Variants in KLRG2 observed in about 807,000 individuals in gnomAD.
The protein encoded by KLRG2 is killer cell lectin-like receptor subfamily G member 2.
KLRG2 carries 39 observed loss-of-function variants against 35.4 expected under a neutral mutation model. The observed-to-expected ratio is 1.10, with a 90% CI of 0.85 to 1.44. KLRG2 has a LOEUF of 1.44. KLRG2 is among the 40% of genes most tolerant of loss of function. The probability of loss-of-function intolerance (pLI) is 0.00; values close to 1 mark genes in which losing one functional copy is unlikely to be tolerated. For missense variants in KLRG2, 632 were observed against 570.9 expected (o/e 1.11, Z -1.09); for synonymous variants, 283 against 265.8 (o/e 1.06, Z -0.63).
At chr7:139,440,504 C>G in the KLRG2 span, among the ~76,000 whole-genome samples, 1 of 150,578 alleles carries the variant, frequency 6.6e-6, no homozygotes, top group African/African-American at 2.5e-5. Context: ...GAGCCTCCCA[C>G]CTCAACCTCC....
downstream of KLRG2, among the ~76,000 whole-genome samples, chr7:139,449,793 A>G (rs1221732007): frequency 1.5e-5 from 2 of 135,812 alleles, no homozygotes; most frequent in African/African-American, 5.5e-5. Flanking sequence ...TCCACCTGCC[A>G]GGTTCACGCC....
At position 139,483,212 on chromosome 7, in the gene KLRG2, G is replaced by T; in HGVS notation, c.431C>A (p.Pro144His). 1 of 1,530,050 alleles carries T rather than the reference G, an allele frequency of 6.5e-7. No homozygotes were observed. 94.8% of individuals were successfully genotyped at this position (1,530,050 alleles called of 1,614,324 possible). Residue 144 changes from proline (P) to histidine (H), a missense_variant, in exon 1 of 5, where the codon CCC becomes CAC. Pro to His is a moderately conservative substitution (Grantham distance 77). Coordinates refer to ENST00000340940, the MANE Select transcript of KLRG2 (RefSeq NM_198508.4). The part of the protein sequence containing the change: ...GAAGGSSTPS[P>H]RPSTRFLKVP... ...CTTGAGGAAGCGCGTGGAGGGCCTG[G>T]GCGATGGCGTGCTGCTGCCACCGGC...
At chr7:139,467,815 G>A (rs1297871707) in intron 3 of KLRG2, among the ~76,000 whole-genome samples, 2 of 147,946 alleles carry the variant, frequency 1.4e-5, no homozygotes, top group African/African-American at 2.6e-5. Flanking sequence ...CCCCCAGCCC[G>A]ACACCCAGTA....
At chr7:139,434,465 T>TCCC in the KLRG2 span, among the ~76,000 whole-genome samples, 192 of 152,306 alleles carry the variant, frequency 1.3e-3, no homozygotes, top group Non-Finnish European at 2.4e-3. Flanking sequence ...ACGGCAGTCA[T>TCCC]CTTGATGAGT....
the KLRG2 span, among the ~76,000 whole-genome samples, chr7:139,434,944 A>G: frequency 6.6e-6 from 1 of 152,116 alleles, no homozygotes; most frequent in Non-Finnish European, 1.5e-5. Context: ...CACAACAATA[A>G]ATCTATAAGC....
intron 3 of KLRG2, among the ~76,000 whole-genome samples, chr7:139,458,133 T>A (rs1402046610): frequency 6.6e-6 from 1 of 152,148 alleles, no homozygotes; most frequent in Non-Finnish European, 1.5e-5. Context: ...GTCTTAGAAC[T>A]GTGGGAGGCT....
Position 139,463,200 on chromosome 7 carries a change from T to G in KLRG2, c.1006-8986A>C, listed in dbSNP as rs972358988. Among the ~76,000 whole-genome samples, 9 of 152,338 alleles carry G rather than the reference T, an allele frequency of 5.9e-5. No homozygotes were observed. The East Asian group carries it at 1.5e-3, about 26-fold the overall frequency. On this transcript the variant is annotated intron_variant, in intron 3 of 4. Coordinates refer to ENST00000340940, the MANE Select transcript of KLRG2 (RefSeq NM_198508.4). The stretch of plus-strand genomic sequence containing the variant: ...AACCCAGCCCAGTTCTTGGCTCGTT[T>G]GGCAGCAACCTGAGACGCTTTACAG...
intron 3 of KLRG2, among the ~76,000 whole-genome samples, chr7:139,457,631 GCTTA>G (rs1196462447): frequency 3.3e-5 from 5 of 152,104 alleles, no homozygotes; most frequent in Non-Finnish European, 7.4e-5. Flanking sequence ...CCCCTTTGAT[GCTTA>G]CAGCAACCTC....
chr7:139,481,119 C>G (rs1049008849), intron 1 of KLRG2, among the ~76,000 whole-genome samples: 3 of 152,014 alleles, frequency 2.0e-5, no homozygotes, highest in African/African-American at 4.8e-5. Flanking sequence ...CTACCAACAA[C>G]GCTGGATTTT....
At chr7:139,454,503 G>T (rs192558219) in intron 3 of KLRG2, among the ~76,000 whole-genome samples, 58 of 152,218 alleles carry the variant, frequency 3.8e-4, no homozygotes, top group African/African-American at 1.4e-3. Context: ...AGTGGGCAAA[G>T]AAACAAGGAA....
intron 3 of KLRG2, among the ~76,000 whole-genome samples, chr7:139,464,819 A>T (rs1796623264): frequency 1.3e-5 from 2 of 152,228 alleles, no homozygotes; most frequent in Admixed American, 1.3e-4. Context: ...TCAAAATCAC[A>T]AACTATGCTC....
At chr7:139,464,185 G>C (rs943123428) in intron 3 of KLRG2, among the ~76,000 whole-genome samples, 3 of 151,952 alleles carry the variant, frequency 2.0e-5, no homozygotes, top group African/African-American at 7.3e-5. Context: ...AATCCACAAG[G>C]GTAGGACACC....
At chr7:139,482,799 A>G in intron 1 of KLRG2, 87 bp downstream of exon 1, 1 of 1,229,652 alleles carries the variant, frequency 8.1e-7, no homozygotes, top group Non-Finnish European at 1.0e-6. Flanking sequence ...TCAGCTGCCC[A>G]GCGGTCCAGG....
intron 3 of KLRG2, among the ~76,000 whole-genome samples, chr7:139,478,708 C>T (rs1464636117): frequency 1.3e-5 from 2 of 152,028 alleles, no homozygotes; most frequent in African/African-American, 4.8e-5. Context: ...ATGCCAAGGA[C>T]TGGATCCTAT....
chr7:139,461,406 G>A (rs117973627), intron 3 of KLRG2, among the ~76,000 whole-genome samples: 408 of 152,238 alleles, frequency 2.7e-3, no homozygotes, highest in Non-Finnish European at 4.7e-3. Context: ...ATTCCTTATC[G>A]ATGAAAGAGA....
At chr7:139,465,748 C>T (rs1796643112) in intron 3 of KLRG2, among the ~76,000 whole-genome samples, 1 of 151,728 alleles carries the variant, frequency 6.6e-6, no homozygotes, top group Non-Finnish European at 1.5e-5. Flanking sequence ...TCACTGCAAG[C>T]AGCCATCAAA....
intron 3 of KLRG2, among the ~76,000 whole-genome samples, chr7:139,475,119 C>T (rs1219418990): frequency 6.6e-6 from 1 of 152,188 alleles, no homozygotes; most frequent in Non-Finnish European, 1.5e-5. Context: ...AATCTTGACA[C>T]AGTTGTCCCT....
chr7:139,435,068 C>T, the KLRG2 span, among the ~76,000 whole-genome samples: 1 of 152,136 alleles, frequency 6.6e-6, no homozygotes, highest in Non-Finnish European at 1.5e-5. Flanking sequence ...TTTAGATTAA[C>T]CCCAGGACCT....
intron 3 of KLRG2, among the ~76,000 whole-genome samples, chr7:139,468,506 C>G (rs2116457422): frequency 6.6e-6 from 1 of 152,278 alleles, no homozygotes; most frequent in Non-Finnish European, 1.5e-5. Flanking sequence ...TTTTCCACTA[C>G]CCACCCAAAT....
Sources: gnomAD v4.1 joint callset for allele counts (sites outside exome capture counted in the v4.1 genomes callset) on GRCh38, gnomAD v4.1.1 for gene constraint, MANE v1.5 for transcripts, NCBI Gene and HGNC (gene_info 2026-07-23, HGNC 2026-07-21) for gene names.